UBE4B: variants seen among roughly 807,000 people sequenced by gnomAD.
UBE4B encodes the protein ubiquitin conjugation factor E4 B.
In UBE4B, 27 loss-of-function variants were observed where a neutral mutation model predicts 148.1. The ratio of observed to expected loss-of-function variants is 0.18; its 90% CI spans 0.13 to 0.25. The LOEUF (loss-of-function observed/expected upper bound fraction) is 0.25, where lower values mean the gene tolerates loss of function less well. Among genes scored for constraint, UBE4B ranks in the 10% least tolerant of loss-of-function variants. The pLI is 1.00. For missense variants in UBE4B, 1,170 were observed against 1,662.4 expected (o/e 0.70, Z 5.15); for synonymous variants, 596 against 619.3 (o/e 0.96, Z 0.56).
intron 2 of UBE4B, among the ~76,000 whole-genome samples, chr1:10,078,991 A>G (rs1057394536): frequency 6.8e-6 from 1 of 147,800 alleles, no homozygotes; most frequent in Non-Finnish European, 1.5e-5. Context: ...TAATTTTTTA[A>G]TTTTTTTTGT....
chr1:10,123,758 G>A (rs1326973843), intron 10 of UBE4B, among the ~76,000 whole-genome samples: 3 of 151,928 alleles, frequency 2.0e-5, no homozygotes, highest in African/African-American at 4.8e-5. Flanking sequence ...TCAAACCACC[G>A]TTGTTGTTTT....
chr1:10,049,529 G>T (rs1235734682), intron 1 of UBE4B, among the ~76,000 whole-genome samples: 1 of 151,842 alleles, frequency 6.6e-6, no homozygotes, highest in Non-Finnish European at 1.5e-5. Flanking sequence ...AGGATCACTT[G>T]AGCCCAGGAG....
At chr1:10,136,597 A>G (rs1053217606) in intron 16 of UBE4B, among the ~76,000 whole-genome samples, 7 of 152,006 alleles carry the variant, frequency 4.6e-5, no homozygotes, top group Admixed American at 2.6e-4. Flanking sequence ...TTCTTGTAGT[A>G]TTGTTTAAGT....
rs1643376866 is a variant in UBE4B at position 10,033,437 on chromosome 1, G to T, written c.-234G>T. On this transcript the variant is annotated 5_prime_UTR_variant, in exon 1 of 28. Transcript: ENST00000343090. ...GCAGCAGTGGCGGCCAAAGGAGGCT[G>T]CTCAGGGAACAAGCGGCTGTAGTAG... 1 of 394,272 alleles carries T rather than the reference G, an allele frequency of 2.5e-6. No homozygotes were observed. 24.4% of individuals were successfully genotyped at this position (394,272 alleles called of 1,614,324 possible). A position where few individuals can be genotyped will look rare whatever the true frequency, so the allele number is the denominator to read the frequency against.
At chr1:10,122,102 C>T (rs1339529361) in intron 10 of UBE4B, 26 bp downstream of exon 10, 1 of 1,532,910 alleles carries the variant, frequency 6.5e-7, no homozygotes, top group African/African-American at 1.4e-5. Flanking sequence ...TTTGCTCTTG[C>T]AAATTTTAGC....
intron 18 of UBE4B, 150 bp from the exon 19 acceptor site, chr1:10,146,813 C>T: frequency 1.0e-6 from 1 of 957,878 alleles, no homozygotes; most frequent in Non-Finnish European, 1.5e-6. Flanking sequence ...TCTTGAGACA[C>T]AACCAGCATC....
At chr1:10,159,782 C>T (rs915106317) in intron 22 of UBE4B, among the ~76,000 whole-genome samples, 1 of 152,180 alleles carries the variant, frequency 6.6e-6, no homozygotes, top group African/African-American at 2.4e-5. Flanking sequence ...ACTTGTTAAC[C>T]GAATTACTAG....
intron 16 of UBE4B, among the ~76,000 whole-genome samples, chr1:10,136,244 G>A (rs1407567681): frequency 1.3e-5 from 2 of 152,056 alleles, no homozygotes; most frequent in African/African-American, 4.8e-5. Context: ...AAGCTGAGGT[G>A]GGAGGAGAGC....
At chr1:10,172,270 T>G (rs1447352513) in intron 25 of UBE4B, among the ~76,000 whole-genome samples, 2 of 152,222 alleles carry the variant, frequency 1.3e-5, no homozygotes, top group Non-Finnish European at 2.9e-5. Flanking sequence ...TGGTCCGTTC[T>G]GCCTCATTTT....
At chr1:10,170,310 A>T (rs1169037913) in intron 24 of UBE4B, among the ~76,000 whole-genome samples, 1 of 152,228 alleles carries the variant, frequency 6.6e-6, no homozygotes, top group Non-Finnish European at 1.5e-5. Flanking sequence ...CAACAGTGAA[A>T]TACAGGAGTA....
intron 4 of UBE4B, among the ~76,000 whole-genome samples, chr1:10,101,666 G>A (rs926650578): frequency 1.3e-5 from 2 of 151,664 alleles, no homozygotes; most frequent in Non-Finnish European, 2.9e-5. Context: ...CCGCCACCAC[G>A]CCCAGCTAAT....
Position 10,178,665 on chromosome 1 carries a change from T to C in UBE4B, c.3547T>C (p.Phe1183Leu). ...GCAGAGATCCTACAGTAAGGAATTG[T>C]TTGAAGAAGTTATTTCAAAGATGCG... is the stretch of plus-strand genomic sequence containing the variant. ...DDQRSYSKEL[F>L]EEVISKMRKA... is the part of the protein sequence containing the mutation. Residue 1183 changes from phenylalanine (F) to leucine (L), a missense_variant, in exon 26 of 28, where the codon TTT becomes CTT. Phe to Leu is a conservative substitution (Grantham distance 22, BLOSUM62 0). Transcript: ENST00000343090. 6.2e-7 allele frequency: 1 copy of C among 1,612,198 alleles called. No individual in the cohort carries two copies. Among genetic ancestry groups the C allele is most frequent in the Non-Finnish European group, 8.5e-7 (1 of 1,179,398 alleles).
intron 1 of UBE4B, among the ~76,000 whole-genome samples, chr1:10,034,482 A>AAC (rs923829266): frequency 1.1e-4 from 16 of 151,920 alleles, no homozygotes; most frequent in African/African-American, 3.9e-4. Context: ...TTGTTGTAAA[A>AAC]AAAAAAACAA....
At position 10,033,490 on chromosome 1, in the gene UBE4B, C is replaced by A; in HGVS notation, c.-181C>A. ...TGTGGGGCGACTGGAGTGACCGAAG[C>A]CAAGGCAGTTTAGTGCCTCTCGTGT... On this transcript the variant is annotated 5_prime_UTR_variant, in exon 1 of 28. Transcript: ENST00000343090. 1.7e-6 allele frequency: 1 copy of A among 580,390 alleles called. No individual in the cohort carries two copies. Among genetic ancestry groups the A allele is most frequent in the Non-Finnish European group, 2.7e-6 (1 of 374,160 alleles). The allele number at this position is 580,390 out of a possible 1,614,324, so 36.0% of individuals were successfully genotyped here. A position where few individuals can be genotyped will look rare whatever the true frequency, so the allele number is the denominator to read the frequency against.
At chr1:10,119,668 G>A in intron 9 of UBE4B, 55 bp downstream of exon 9, 1 of 1,518,404 alleles carries the variant, frequency 6.6e-7, no homozygotes. Context: ...CTAGCCGTCA[G>A]TGGACATCAG....
At chr1:10,049,780 C>T (rs1016135196) in intron 1 of UBE4B, among the ~76,000 whole-genome samples, 2 of 151,378 alleles carry the variant, frequency 1.3e-5, no homozygotes, top group African/African-American at 4.9e-5. Context: ...GTCCCAGCTA[C>T]TCGGGAGGCT....
chr1:10,167,197 C>T (rs146317821), intron 23 of UBE4B, among the ~76,000 whole-genome samples: 2,663 of 151,784 alleles, frequency 0.018, 35 homozygotes, highest in Non-Finnish European at 0.027. Flanking sequence ...CCCAACACTT[C>T]GGGAGGCCAA....
intron 3 of UBE4B, among the ~76,000 whole-genome samples, chr1:10,099,119 G>A (rs1644970836): frequency 6.6e-6 from 1 of 152,098 alleles, no homozygotes; most frequent in Non-Finnish European, 1.5e-5. Context: ...GTGCGTGCCT[G>A]TAATCCCAGT....
intron 26 of UBE4B, 26 bp from the exon 27 acceptor site, chr1:10,179,390 G>C: frequency 6.2e-7 from 1 of 1,611,218 alleles, no homozygotes; most frequent in East Asian, 2.2e-5. Flanking sequence ...CAGTAGATTA[G>C]AGTTTGCTTT....
Sources: gnomAD v4.1 joint callset for allele counts (sites outside exome capture counted in the v4.1 genomes callset) on GRCh38, gnomAD v4.1.1 for gene constraint, MANE v1.5 for transcripts, NCBI Gene and HGNC (gene_info 2026-07-23, HGNC 2026-07-21) for gene names.